The following DDX60 variants were observed in gnomAD, a reference collection of about 807,000 sequenced individuals.
DDX60 encodes DExD/H-box helicase 60, also known as probable ATP-dependent RNA helicase DDX60.
In DDX60, 165 loss-of-function variants were observed where a neutral mutation model predicts 212.8. The observed-to-expected ratio is 0.78, with a 90% CI of 0.68 to 0.88. The LOEUF is 0.88. Among genes scored for constraint, DDX60 ranks in the 40% least tolerant of loss-of-function variants. The pLI, the probability that DDX60 is intolerant of heterozygous loss-of-function variation, is 0.00. For synonymous variants in DDX60, 703 were observed against 685.3 expected, an observed-to-expected ratio of 1.03 and a Z score of -0.40; for missense variants, 1,905 against 2,003.9, an observed-to-expected ratio of 0.95 and a Z score of 0.94.
chr4:168,219,068 C>T (rs1233531951), intron 37 of DDX60, among the ~76,000 whole-genome samples: 1 of 151,304 alleles, frequency 6.6e-6, no homozygotes, highest in African/African-American at 2.4e-5. Flanking sequence ...ATTGCCTGAG[C>T]TCAGGAATTT....
At chr4:168,246,672 ATAG>A in intron 29 of DDX60, 54 bp from the exon 30 acceptor site, 1 of 1,576,322 alleles carries the variant, frequency 6.3e-7, no homozygotes, top group Non-Finnish European at 8.7e-7. Context: ...TTCTACTGCC[ATAG>A]TGTAAGAATG....
At chr4:168,240,996 A>T (rs28794259) in intron 30 of DDX60, among the ~76,000 whole-genome samples, 4,152 of 152,306 alleles carry the variant, frequency 0.027, 193 homozygotes, top group African/African-American at 0.094. Flanking sequence ...TAATTGAATC[A>T]TGGGGGCAGA....
At chr4:168,222,583 T>C (rs1733100941) in intron 35 of DDX60, among the ~76,000 whole-genome samples, 1 of 152,096 alleles carries the variant, frequency 6.6e-6, no homozygotes, top group African/African-American at 2.4e-5. Flanking sequence ...ACTGCAGCAA[T>C]ATCTAAACAA....
intron 12 of DDX60, 131 bp from the exon 13 acceptor site, chr4:168,283,737 AAG>A: frequency 3.0e-6 from 2 of 673,606 alleles, no homozygotes; most frequent in Non-Finnish European, 4.8e-6. Flanking sequence ...ATCTTTCTTA[AAG>A]AGAGAACGTA....
intron 11 of DDX60, 34 bp downstream of exon 11, chr4:168,285,359 A>G (rs1735778303): frequency 1.6e-6 from 2 of 1,235,208 alleles, no homozygotes; most frequent in African/African-American, 1.5e-5. Context: ...ATTCCACACA[A>G]GTATTTATTG....
chr4:168,223,883 C>T (rs1032819004), intron 35 of DDX60, among the ~76,000 whole-genome samples: 3 of 152,032 alleles, frequency 2.0e-5, no homozygotes, highest in Non-Finnish European at 4.4e-5. Flanking sequence ...CCATTTTAGG[C>T]ATCAATGATG....
intron 5 of DDX60, among the ~76,000 whole-genome samples, chr4:168,304,389 G>C (rs1185512720): frequency 6.6e-6 from 1 of 151,980 alleles, no homozygotes; most frequent in Non-Finnish European, 1.5e-5. Context: ...CAGAAAAAAA[G>C]CTGACAGAAT....
At chr4:168,313,431 T>C (rs1737229237) in intron 1 of DDX60, among the ~76,000 whole-genome samples, 1 of 152,158 alleles carries the variant, frequency 6.6e-6, no homozygotes, top group African/African-American at 2.4e-5. Context: ...CAGACTATAA[T>C]GGGTCTTGTG....
intron 27 of DDX60, among the ~76,000 whole-genome samples, chr4:168,251,920 A>G (rs1734235718): frequency 6.6e-6 from 1 of 152,214 alleles, no homozygotes; most frequent in Non-Finnish European, 1.5e-5. Flanking sequence ...TATTATTACT[A>G]TATTTATATC....
chr4:168,220,672 G>A lies in DDX60; in HGVS notation c.5022C>T (p.Leu1674=). 1 of 1,476,982 alleles carries A rather than the reference G, an allele frequency of 6.8e-7. No individual in the cohort carries two copies. The highest frequency in any genetic ancestry group is 9.0e-7 in the Non-Finnish European group (1 of 1,107,650). The allele number at this position is 1,476,982 out of a possible 1,614,324, so 91.5% of individuals were successfully genotyped here. A position where few individuals can be genotyped will look rare whatever the true frequency, so the allele number is the denominator to read the frequency against. The part of the protein sequence containing the change: ...DAYYLLKDFA[L]TIKSISVSLR... Reference sequence around the variant, plus strand: ...TAACACACCTGATAGATTTAATGGTGAGTGCAAAATCCTTCAACAAATAAT... The same window carrying A: ...TAACACACCTGATAGATTTAATGGTAAGTGCAAAATCCTTCAACAAATAAT... Residue 1674 remains leucine, a synonymous_variant, in exon 37 of 38, where the codon CTC becomes CTT. Transcript: ENST00000393743.
At chr4:168,311,409 G>A in intron 1 of DDX60, 44 bp from the exon 2 acceptor site, 2 of 732,472 alleles carry the variant, frequency 2.7e-6, no homozygotes, top group Non-Finnish European at 4.6e-6. Context: ...CAACAAACAT[G>A]TATTGAATGA....
chr4:168,220,574 T>A, intron 37 of DDX60, 81 bp downstream of exon 37: 1 of 824,362 alleles, frequency 1.2e-6, no homozygotes, highest in South Asian at 1.8e-5. Context: ...TGTACCTGGC[T>A]TATAGTAACA....
chr4:168,254,278 A>C (rs1249726972), intron 26 of DDX60, among the ~76,000 whole-genome samples: 1 of 152,150 alleles, frequency 6.6e-6, no homozygotes, highest in African/African-American at 2.4e-5. Context: ...GAGTGGGACT[A>C]TCTAAAGGGT....
Position 168,255,794 on chromosome 4 carries a change from C to A in DDX60, c.3474G>T (p.Arg1158Ser), listed in dbSNP as rs760912611. 1.9e-6 allele frequency: 3 copies of A among 1,609,140 alleles called. No homozygotes were observed. The highest frequency in any genetic ancestry group is 4.5e-5 in the East Asian group (2 of 44,716). ...TFLKKKQETK[R>S]PPKADKEAHV... is the part of the protein sequence containing the mutation. ...GGGCTTCTTTATCAGCTTTGGGAGG[C>A]CTTTTTGTCTCCTGCTTTTTCTTTA... The change falls in exon 26 of 38, where the codon AGG becomes AGT. Residue 1158 changes from arginine (R) to serine (S), a missense_variant. Arg to Ser is a moderately radical substitution (Grantham distance 110). Coordinates refer to ENST00000393743, the MANE Select transcript of DDX60 (RefSeq NM_017631.6).
At chr4:168,217,197 T>C (rs1056630363) in intron 37 of DDX60, among the ~76,000 whole-genome samples, 165 bp from the exon 38 acceptor site, 1 of 152,172 alleles carries the variant, frequency 6.6e-6, no homozygotes, top group South Asian at 2.1e-4. Flanking sequence ...TAAAAAATCT[T>C]GTATAAAAAA....
intron 30 of DDX60, among the ~76,000 whole-genome samples, chr4:168,242,939 T>C (rs922467812): frequency 6.6e-6 from 1 of 152,162 alleles, no homozygotes; most frequent in Non-Finnish European, 1.5e-5. Context: ...TGTGAGGTAA[T>C]TGAAACATGG....
intron 10 of DDX60, among the ~76,000 whole-genome samples, chr4:168,286,037 G>A (rs941925006): frequency 2.9e-5 from 4 of 136,360 alleles, no homozygotes; most frequent in Non-Finnish European, 4.6e-5. Context: ...GAGGAAGGAA[G>A]GAAAGAAAAA....
intron 7 of DDX60, 106 bp downstream of exon 7, chr4:168,293,681 A>T (rs1481637965): frequency 4.1e-6 from 4 of 980,512 alleles, no homozygotes; most frequent in Non-Finnish European, 6.0e-6. Flanking sequence ...TATATAAATA[A>T]GAGAAAAACA....
At chr4:168,256,428 T>C in intron 25 of DDX60, among the ~76,000 whole-genome samples, 1 of 152,146 alleles carries the variant, frequency 6.6e-6, no homozygotes, top group Non-Finnish European at 1.5e-5. Context: ...TTATACTTCT[T>C]GAAATGTAAA....
Sources: gnomAD v4.1 joint callset for allele counts (sites outside exome capture counted in the v4.1 genomes callset) on GRCh38, gnomAD v4.1.1 for gene constraint, MANE v1.5 for transcripts, NCBI Gene and HGNC (gene_info 2026-07-23, HGNC 2026-07-21) for gene names.